The following IHO1 variants were observed in gnomAD, a reference collection of about 807,000 sequenced individuals.
The protein encoded by IHO1 is interactor of HORMAD1 protein 1.
In IHO1, 13 loss-of-function variants were observed where a neutral mutation model predicts 31.0. That is an observed-to-expected ratio of 0.42 (90% CI 0.27 to 0.67). The LOEUF (loss-of-function observed/expected upper bound fraction) is 0.67. Among genes scored for constraint, IHO1 ranks in the 30% least tolerant of loss-of-function variants. The pLI is 0.24. For synonymous variants in IHO1, 221 were observed against 248.4 expected, an observed-to-expected ratio of 0.89 and a Z score of 1.04; for missense variants, 599 against 687.5, an observed-to-expected ratio of 0.87 and a Z score of 1.44.
intron 1 of IHO1, among the ~76,000 whole-genome samples, chr3:49,204,605 G>A (rs1184122209): frequency 6.6e-6 from 1 of 152,192 alleles, no homozygotes; most frequent in Non-Finnish European, 1.5e-5. Flanking sequence ...ATGAAATGAT[G>A]CTTTGTTGGG....
rs1349554160 is a variant in IHO1 at position 49,256,368 on chromosome 3, T to C, written c.871T>C (p.Ser291Pro). The C allele has an allele frequency of 6.2e-7, 1 of 1,614,090 alleles. No individual in the cohort carries two copies. Among genetic ancestry groups the C allele is most frequent in the Admixed American group, 1.7e-5 (1 of 60,002 alleles). Residue 291 changes from serine (S) to proline (P), a missense_variant, in exon 8 of 8, where the codon TCT becomes CCT. Transcript: ENST00000452691. The surrounding 1 kb of genome is among the most constrained non-coding windows in gnomAD (Gnocchi z 4.6). Reference protein sequence around the residue: ...LNLTRQEKYTSEKPVLWQAQA... With the variant: ...LNLTRQEKYTPEKPVLWQAQA... ...TCTCACCAGGCAGGAAAAATACACCTCTGAGAAACCAGTTTTATGGCAGGC... is the reference window on the plus strand; with the variant it reads ...TCTCACCAGGCAGGAAAAATACACCCCTGAGAAACCAGTTTTATGGCAGGC...
chr3:49,229,788 CA>C (rs1323439844), intron 2 of IHO1, among the ~76,000 whole-genome samples: 1 of 152,130 alleles, frequency 6.6e-6, no homozygotes, highest in Non-Finnish European at 1.5e-5. Context: ...TTATATTTTG[CA>C]TTGTGAAGGG....
chr3:49,203,536 AT>A lies in IHO1; in HGVS notation c.-16+3964del, dbSNP rs2046097727. On this transcript the variant is annotated intron_variant, in intron 1 of 7. Transcript: ENST00000452691. ...GAGACTGGAGTGGGACAAGGGTGAAATCAGGGAGAGTGGTTAGGAGGCCATT... is the reference window on the plus strand; with the variant it reads ...GAGACTGGAGTGGGACAAGGGTGAAACAGGGAGAGTGGTTAGGAGGCCATT... Among the ~76,000 whole-genome samples the A allele has an allele frequency of 2.0e-5, 3 of 152,286 alleles. No individual in the cohort carries two copies. The South Asian group carries it at 6.2e-4, about 32-fold the overall frequency.
At chr3:49,231,266 A>G (rs760709692) in intron 2 of IHO1, among the ~76,000 whole-genome samples, 23 of 152,198 alleles carry the variant, frequency 1.5e-4, no homozygotes, top group Non-Finnish European at 3.4e-4. Flanking sequence ...TACTTGGCAA[A>G]CCCATTTAGC....
the IHO1 span, among the ~76,000 whole-genome samples, chr3:49,191,487 TA>T: frequency 6.6e-6 from 1 of 152,078 alleles, no homozygotes; most frequent in South Asian, 2.1e-4. Context: ...TAACTAGGAA[TA>T]AATGGGGTGG....
chr3:49,197,429 G>A (rs1198360454), upstream of IHO1, among the ~76,000 whole-genome samples: 1 of 152,082 alleles, frequency 6.6e-6, no homozygotes, highest in African/African-American at 2.4e-5. Context: ...CCAAAGTTCT[G>A]GGATTACAGG....
At chr3:49,201,246 G>A (rs1236744278) in intron 1 of IHO1, among the ~76,000 whole-genome samples, 1 of 151,780 alleles carries the variant, frequency 6.6e-6, no homozygotes, top group African/African-American at 2.4e-5. Context: ...GCCTTTCTCA[G>A]CCTCCCAAAG....
At chr3:49,194,316 A>G (rs1359843969), upstream of IHO1, among the ~76,000 whole-genome samples, 6 of 138,502 alleles carry the variant, frequency 4.3e-5, no homozygotes, top group Non-Finnish European at 7.8e-5. Context: ...ATATATATAT[A>G]TATTTGAGAC....
intron 2 of IHO1, among the ~76,000 whole-genome samples, chr3:49,233,980 C>A (rs1013134069): frequency 1.3e-5 from 2 of 152,116 alleles, no homozygotes; most frequent in Admixed American, 1.3e-4. Flanking sequence ...CCCTTTGTTT[C>A]CCATAAGGAA....
intron 2 of IHO1, among the ~76,000 whole-genome samples, chr3:49,232,508 C>T (rs1305550066): frequency 6.6e-6 from 1 of 152,116 alleles, no homozygotes; most frequent in African/African-American, 2.4e-5. Context: ...TGTGTTTCTC[C>T]AAGACGGAAT....
chr3:49,204,906 T>TA (rs2046115489), intron 1 of IHO1, among the ~76,000 whole-genome samples: 1 of 151,982 alleles, frequency 6.6e-6, no homozygotes, highest in Non-Finnish European at 1.5e-5. Flanking sequence ...CAGGTGCCTG[T>TA]AGTCCCAGCT....
rs542459074 is a variant in IHO1 at position 49,218,787 on chromosome 3, T to C, written c.56+6951T>C. Among the ~76,000 whole-genome samples, 7 of 152,182 alleles carry C rather than the reference T, an allele frequency of 4.6e-5. No individual in the cohort carries two copies. In the East Asian group the frequency reaches 1.4e-3, roughly 29 times the overall value. Reference sequence around the variant, plus strand: ...GTGCTTGCATGCCAAACTTGCTGAGTCATGCAGGCCTGGATATCTGCCTCG... The same window carrying C: ...GTGCTTGCATGCCAAACTTGCTGAGCCATGCAGGCCTGGATATCTGCCTCG... On this transcript the variant is annotated intron_variant, in intron 2 of 7. Coordinates refer to ENST00000452691, the MANE Select transcript of IHO1 (RefSeq NM_001135197.2).
intron 6 of IHO1, among the ~76,000 whole-genome samples, chr3:49,254,915 T>C (rs920354383): frequency 6.6e-6 from 1 of 151,796 alleles, no homozygotes; most frequent in Non-Finnish European, 1.5e-5. Flanking sequence ...AATACAAAAA[T>C]TAGCAGGGCA....
the IHO1 span, chr3:49,191,989 G>GC: frequency 3.4e-6 from 2 of 594,364 alleles, no homozygotes; most frequent in African/African-American, 3.7e-5. Context: ...CTGCCCCTTG[G>GC]CATTAACAGC....
upstream of IHO1, among the ~76,000 whole-genome samples, chr3:49,196,983 T>A (rs1424558526): frequency 7.2e-6 from 1 of 138,700 alleles, no homozygotes; most frequent in African/African-American, 2.7e-5. Flanking sequence ...TTTTTACTTT[T>A]TTTTTTTTTT....
intron 6 of IHO1, chr3:49,244,939 A>G (rs767312009): frequency 1.6e-6 from 1 of 624,346 alleles, no homozygotes; most frequent in South Asian, 1.8e-5. Context: ...CTCTGGTCCC[A>G]TGATGCCTTT....
intron 2 of IHO1, among the ~76,000 whole-genome samples, chr3:49,224,255 A>G (rs2046391008): frequency 3.9e-5 from 6 of 152,094 alleles, no homozygotes. Context: ...GTTCCATACC[A>G]AGGATCCTTC....
chr3:49,246,893 C>A (rs2046701469), intron 6 of IHO1, among the ~76,000 whole-genome samples: 1 of 149,746 alleles, frequency 6.7e-6, no homozygotes, highest in Non-Finnish European at 1.5e-5. Flanking sequence ...TCACTCTTGT[C>A]CCCCAGGCTG....
chr3:49,226,277 T>C (rs2046416034), intron 2 of IHO1, among the ~76,000 whole-genome samples: 1 of 151,654 alleles, frequency 6.6e-6, no homozygotes, highest in Admixed American at 6.6e-5. Flanking sequence ...CCAGATTTTG[T>C]TCAGGGCCCA....
Sources: gnomAD v4.1 joint callset for allele counts (sites outside exome capture counted in the v4.1 genomes callset) on GRCh38, gnomAD v4.1.1 for gene constraint, Gnocchi (gnomAD v3.1) non-coding constraint, MANE v1.5 for transcripts, NCBI Gene and HGNC (gene_info 2026-07-23, HGNC 2026-07-21) for gene names.